SEC23B: variants seen among roughly 807,000 people sequenced by gnomAD.
SEC23B encodes the protein protein transport protein Sec23B.
SEC23B carries 77 observed loss-of-function variants against 104.3 expected under a neutral mutation model. The observed-to-expected ratio is 0.74, with a 90% confidence interval of 0.61 to 0.89. The LOEUF (loss-of-function observed/expected upper bound fraction) is 0.89, where lower values mean the gene tolerates loss of function less well. SEC23B is among the 40% of genes least tolerant of loss of function. The pLI is 0.00. For missense variants in SEC23B, 885 were observed against 949.4 expected, an observed-to-expected ratio of 0.93 and a Z score of 0.89; for synonymous variants, 338 against 332.5, an observed-to-expected ratio of 1.02 and a Z score of -0.18.
At chr20:18,552,211 G>T (rs1295234201) in intron 17 of SEC23B, among the ~76,000 whole-genome samples, 2 of 77,304 alleles carry the variant, frequency 2.6e-5, no homozygotes, top group Non-Finnish European at 8.0e-5. Flanking sequence ...GTCGTGAAAA[G>T]ATATAAATTG....
chr20:18,559,083 G>GT (rs1196931748), intron 19 of SEC23B, among the ~76,000 whole-genome samples: 1 of 151,352 alleles, frequency 6.6e-6, no homozygotes, highest in African/African-American at 2.4e-5. Flanking sequence ...TGGTTGGTGG[G>GT]GGGGGTGTCG....
At chr20:18,558,169 TCTGA>T (rs1307876405) in intron 19 of SEC23B, among the ~76,000 whole-genome samples, 1 of 152,218 alleles carries the variant, frequency 6.6e-6, no homozygotes, top group Non-Finnish European at 1.5e-5. Flanking sequence ...CATATAGGAT[TCTGA>T]CTAACAGCCC....
intron 15 of SEC23B, among the ~76,000 whole-genome samples, chr20:18,546,496 T>G (rs1032489693): frequency 2.0e-5 from 3 of 152,226 alleles, no homozygotes; most frequent in African/African-American, 7.2e-5. Flanking sequence ...AACTGCACTC[T>G]GCATGAACCA....
At chr20:18,530,531 G>A (rs966770852) in intron 9 of SEC23B, 149 bp from the exon 10 acceptor site, 9 of 887,780 alleles carry the variant, frequency 1.0e-5, no homozygotes, top group East Asian at 6.1e-5. Flanking sequence ...CACTGTGCCT[G>A]GCCTGTTTTT....
At chr20:18,532,778 G>A (rs779374805) in intron 11 of SEC23B, 34 bp downstream of exon 11, 1 of 1,496,478 alleles carries the variant, frequency 6.7e-7, no homozygotes. Flanking sequence ...CTCACCTCCT[G>A]CCCCGGATTT....
At chr20:18,540,564 G>C (rs1429825734) in intron 12 of SEC23B, among the ~76,000 whole-genome samples, 1 of 152,146 alleles carries the variant, frequency 6.6e-6, no homozygotes, top group Non-Finnish European at 1.5e-5. Flanking sequence ...TCAACTTAAA[G>C]TCACCAGATG....
chr20:18,525,974 T>G (rs1030735349), intron 7 of SEC23B, 42 bp downstream of exon 7: 1 of 1,589,492 alleles, frequency 6.3e-7, no homozygotes, highest in Non-Finnish European at 8.6e-7. Context: ...CATACAAATG[T>G]GCTCTCAGAA....
intron 19 of SEC23B, among the ~76,000 whole-genome samples, chr20:18,559,005 G>A (rs564423021): frequency 1.0e-4 from 15 of 143,228 alleles, no homozygotes; most frequent in African/African-American, 3.9e-4. Context: ...GTTTGTATGA[G>A]ACCCTGGATC....
intron 3 of SEC23B, among the ~76,000 whole-genome samples, chr20:18,513,556 A>G (rs930005459): frequency 6.6e-6 from 1 of 152,224 alleles, no homozygotes; most frequent in Non-Finnish European, 1.5e-5. Flanking sequence ...TAAGCTCTTC[A>G]CATGCATTCG....
At chr20:18,548,571 A>G (rs781336506) in intron 15 of SEC23B, 38 bp from the exon 16 acceptor site, 2 of 1,604,360 alleles carry the variant, frequency 1.2e-6, no homozygotes, top group South Asian at 1.1e-5. Flanking sequence ...GAAGGTTACA[A>G]TTATATGCAT....
At position 18,512,164 on chromosome 20, in the gene SEC23B, A is replaced by G. The variant is rs184674131; in HGVS notation, c.222-61A>G. On this transcript the variant is annotated intron_variant, in intron 2 of 19. Transcript: ENST00000650089. Reference sequence around the variant, plus strand: ...CAAATGAACGCTTTCTACCTTAAAAATAAAAATTTTATTTTAAAAATAAAA... The same window carrying G: ...CAAATGAACGCTTTCTACCTTAAAAGTAAAAATTTTATTTTAAAAATAAAA... 4,827 of 1,070,870 alleles carry G rather than the reference A, an allele frequency of 4.5e-3. 20 individuals are homozygous for G. Among genetic ancestry groups the G allele is most frequent in the Middle Eastern group, 0.011 (36 of 3,336 alleles). 66.3% of individuals were successfully genotyped at this position (1,070,870 alleles called of 1,614,324 possible).
chr20:18,535,288 T>C (rs2060219701), intron 11 of SEC23B, among the ~76,000 whole-genome samples: 1 of 146,802 alleles, frequency 6.8e-6, no homozygotes, highest in African/African-American at 2.5e-5. Flanking sequence ...GGCGGGAGGA[T>C]TGCTTGAACC....
intron 19 of SEC23B, 45 bp from the exon 20 acceptor site, chr20:18,560,601 TAATCA>T: frequency 6.9e-7 from 1 of 1,449,688 alleles, no homozygotes; most frequent in Non-Finnish European, 9.7e-7. Flanking sequence ...TCATGAATTC[TAATCA>T]GCTTCTAAGA....
At chr20:18,554,515 C>A in intron 18 of SEC23B, 125 bp downstream of exon 18, 2 of 1,267,360 alleles carry the variant, frequency 1.6e-6, no homozygotes, top group Non-Finnish European at 1.1e-6. Context: ...GGTAATCTTC[C>A]AAATATGACT....
At chr20:18,526,093 C>T (rs1197851556) in intron 7 of SEC23B, among the ~76,000 whole-genome samples, 161 bp downstream of exon 7, 1 of 152,044 alleles carries the variant, frequency 6.6e-6, no homozygotes, top group Non-Finnish European at 1.5e-5. Context: ...TTGAGGGAGC[C>T]CCTCAACATT....
rs938722921 is a variant in SEC23B at position 18,521,236 on chromosome 20, G to A, written c.367-3197G>A. On this transcript the variant is annotated intron_variant, in intron 4 of 19. Coordinates refer to ENST00000650089, the MANE Select transcript of SEC23B (RefSeq NM_006363.6). ...CTCTATTATTGTACACCTTGAAGGC[G>A]AGGTTAATTAAGTCCTGTTGTGGGG... Among the ~76,000 whole-genome samples the A allele has an allele frequency of 4.0e-5, 6 of 151,870 alleles. No individual in the cohort carries two copies. In the South Asian group the frequency reaches 6.2e-4, roughly 16 times the overall value.
Position 18,554,368 on chromosome 20 carries a change from A to T in SEC23B, c.2126A>T (p.Asn709Ile). 6.2e-7 allele frequency: 1 copy of T among 1,614,232 alleles called. No homozygotes were observed. The highest frequency in any genetic ancestry group is 1.1e-5 in the South Asian group (1 of 91,082). The change falls in exon 18 of 20, where the codon AAC (asparagine) becomes ATC (isoleucine). Residue 709 changes from asparagine (N) to isoleucine (I), a missense_variant. Physicochemically the swap from Asn to Ile is moderately radical, Grantham distance 149 (BLOSUM62 -3). Coordinates refer to ENST00000650089, the MANE Select transcript of SEC23B (RefSeq NM_006363.6). ...CGCTTCCCGATGCCACGTTACATCA[A>T]CACGGAGCATGGAGGCAGTCAGGTG... ...QARFPMPRYINTEHGGSQARF... is the reference protein window; with the variant it reads ...QARFPMPRYIITEHGGSQARF...
intron 4 of SEC23B, among the ~76,000 whole-genome samples, chr20:18,520,745 T>C (rs192849172): frequency 4.6e-5 from 7 of 151,922 alleles, no homozygotes; most frequent in Middle Eastern, 3.4e-3. Flanking sequence ...GTGGAGTGGG[T>C]AGCCTCTGTA....
chr20:18,523,708 CT>C (rs79077915), intron 4 of SEC23B, among the ~76,000 whole-genome samples: 491 of 139,612 alleles, frequency 3.5e-3, no homozygotes, highest in Non-Finnish European at 4.1e-3. Flanking sequence ...CCCTCTTTTT[CT>C]TTTTTTTTTT....
Sources: allele counts gnomAD v4.1 joint callset (sites outside exome capture counted in the v4.1 genomes callset), GRCh38; gene constraint gnomAD v4.1.1; transcripts MANE v1.5; gene names NCBI Gene and HGNC (gene_info 2026-07-23, HGNC 2026-07-21).